The following CSNK2A1 variants were observed in gnomAD, a reference collection of about 807,000 sequenced individuals.
CSNK2A1 encodes the protein casein kinase 2 alpha 1, also known as casein kinase II subunit alpha.
In CSNK2A1, 10 loss-of-function variants were observed where a neutral mutation model predicts 62.9. The ratio of observed to expected loss-of-function variants is 0.16; its 90% CI spans 0.10 to 0.27. CSNK2A1 has a LOEUF of 0.27. Among genes scored for constraint, CSNK2A1 ranks in the 10% least tolerant of loss-of-function variants. The pLI is 1.00. For synonymous variants in CSNK2A1, 124 were observed against 167.8 expected, an observed-to-expected ratio of 0.74 and a Z score of 2.02; for missense variants, 160 against 492.0, an observed-to-expected ratio of 0.33 and a Z score of 6.38.
chr20:537,213 A>G (rs2734228), intron 1 of CSNK2A1, among the ~76,000 whole-genome samples: 31,572 of 152,146 alleles, frequency 0.21, 4,156 homozygotes, highest in East Asian at 0.57. Context: ...GTCACACATA[A>G]AAAATTATAA....
At chr20:531,028 G>A (rs570570842) in intron 1 of CSNK2A1, among the ~76,000 whole-genome samples, 20 of 152,258 alleles carry the variant, frequency 1.3e-4, no homozygotes, top group African/African-American at 4.3e-4. Flanking sequence ...AGGTTACAGT[G>A]AGCTGAGATC....
chr20:524,708 C>CAAAAAA (rs56228720), intron 2 of CSNK2A1, among the ~76,000 whole-genome samples: 4 of 83,148 alleles, frequency 4.8e-5, no homozygotes, highest in Admixed American at 1.6e-4. Flanking sequence ...GACTCCATCT[C>CAAAAAA]AAAAAAAAAA....
intron 1 of CSNK2A1, among the ~76,000 whole-genome samples, chr20:532,330 ATTTTTTTTTTT>A (rs138287291): frequency 1.6e-5 from 2 of 122,002 alleles, no homozygotes; most frequent in African/African-American, 6.7e-5. Context: ...TGCCCGGCTA[ATTTTTTTTTTT>A]TTTTTTTTTT....
intron 10 of CSNK2A1, chr20:489,419 T>G (rs1198273827): frequency 2.6e-5 from 8 of 308,042 alleles, no homozygotes; most frequent in African/African-American, 1.7e-4. Context: ...TTAAGAAACA[T>G]CTGTAACTCA....
At chr20:539,313 G>A (rs749172842) in intron 1 of CSNK2A1, 2 of 152,146 alleles carry the variant, frequency 1.3e-5, no homozygotes, top group Non-Finnish European at 2.9e-5. Flanking sequence ...CAAGCTATTG[G>A]CTGAATTTAG....
At chr20:529,190 A>AT (rs34902417) in intron 1 of CSNK2A1, among the ~76,000 whole-genome samples, 54,437 of 137,002 alleles carry the variant, frequency 0.4, 11,759 homozygotes, top group Middle Eastern at 0.53. Context: ...ACTCCTGGCT[A>AT]TTTTTTTTTT....
At chr20:484,116 C>G in intron 13 of CSNK2A1, 40 bp from the exon 14 acceptor site, 1 of 1,469,644 alleles carries the variant, frequency 6.8e-7, no homozygotes, top group Non-Finnish European at 9.1e-7. Flanking sequence ...AGACACCAAC[C>G]ATGGCAATCT....
In CSNK2A1 at chr20:499,950, T is replaced by G; in HGVS notation, c.214-16A>C. On this transcript the variant is annotated splice_polypyrimidine_tract_variant and intron_variant, in intron 4 of 13. Transcript: ENST00000217244. The surrounding 1 kb of genome is among the most constrained non-coding windows in gnomAD (Gnocchi z 4.2). ...TTTTTACTGGCTGAAAGGGGAAAAG[T>G]ACATCAGCAAAAAAAAAAAAAAAAA... The G allele has an allele frequency of 6.6e-7, 1 of 1,520,844 alleles. No homozygotes were observed. The highest frequency in any genetic ancestry group is 2.3e-5 in the East Asian group (1 of 43,618). The allele number at this position is 1,520,844 out of a possible 1,614,324, so 94.2% of individuals were successfully genotyped here.
At chr20:487,946 G>C (rs1482083407) in intron 11 of CSNK2A1, 1 of 282,988 alleles carries the variant, frequency 3.5e-6, no homozygotes, top group Non-Finnish European at 6.8e-6. Context: ...AAAAGCCTTT[G>C]CATCAGGAAA....
chr20:508,309 G>T, intron 3 of CSNK2A1, 142 bp downstream of exon 3: 1 of 907,742 alleles, frequency 1.1e-6, no homozygotes, highest in Non-Finnish European at 1.6e-6. Context: ...CAAATTTTCA[G>T]CTCAAAAGAA....
intron 11 of CSNK2A1, 22 bp from the exon 12 acceptor site, chr20:487,597 T>A: frequency 6.2e-7 from 1 of 1,614,094 alleles, no homozygotes; most frequent in East Asian, 2.2e-5. Context: ...AAAGAGGGCA[T>A]GAGAAATGGG....
chr20:539,073 A>G lies in CSNK2A1; in HGVS notation c.-227+4599T>C, dbSNP rs975263039. 5 of 152,188 alleles carry G rather than the reference A, an allele frequency of 3.3e-5. No individual in the cohort carries two copies. In the South Asian group the frequency reaches 8.3e-4, roughly 25 times the overall value. The allele number at this position is 152,188 out of a possible 1,614,324, so 9.4% of individuals were successfully genotyped here. The stretch of plus-strand genomic sequence containing the variant: ...TAAATTGTTTTATAGAATCTTTGCT[A>G]TCTTTGTTCTCTAGAAAATGATATC... On this transcript the variant is annotated intron_variant, in intron 1 of 13. Transcript: ENST00000217244.
intron 9 of CSNK2A1, among the ~76,000 whole-genome samples, chr20:490,101 G>A (rs1245562861): frequency 1.4e-5 from 2 of 146,952 alleles, no homozygotes; most frequent in Non-Finnish European, 1.5e-5. Flanking sequence ...GCGCAATCTT[G>A]GCTCACCACA....
chr20:520,970 A>G (rs571250732), intron 2 of CSNK2A1, among the ~76,000 whole-genome samples: 1 of 152,026 alleles, frequency 6.6e-6, no homozygotes, highest in Non-Finnish European at 1.5e-5. Flanking sequence ...GCAAGACTCT[A>G]CCTCTGGGGG....
intron 8 of CSNK2A1, among the ~76,000 whole-genome samples, chr20:493,802 C>T (rs2018288421): frequency 6.6e-6 from 1 of 152,176 alleles, no homozygotes. Context: ...CCCCTCTGCT[C>T]TTTATCTCTA....
chr20:521,878 T>C (rs529660860), intron 2 of CSNK2A1, among the ~76,000 whole-genome samples: 22 of 152,308 alleles, frequency 1.4e-4, no homozygotes, highest in African/African-American at 4.8e-4. Flanking sequence ...TGTGAGCTGC[T>C]ACACCTGACC....
At position 474,959 on chromosome 20, in the gene CSNK2A1, C is replaced by G. The variant is rs1260149276; in HGVS notation, c.*9002G>C. On this transcript the variant is annotated 3_prime_UTR_variant, in exon 14 of 14. Transcript: ENST00000217244. ...TTGTAAACTTTTAAACATTTGAACT[C>G]TAGCAAATATACTGAGAAGTGCCCC... The G allele has an allele frequency of 1.3e-5, 2 of 152,122 alleles. No homozygotes were observed. Among genetic ancestry groups the G allele is most frequent in the African/African-American group, 4.8e-5 (2 of 41,398 alleles). 9.4% of individuals were successfully genotyped at this position (152,122 alleles called of 1,614,324 possible). A position where few individuals can be genotyped will look rare whatever the true frequency, so the allele number is the denominator to read the frequency against.
In CSNK2A1 at chr20:534,417, A is replaced by G. The variant is rs564986672; in HGVS notation, c.-226-6368T>C. Among the ~76,000 whole-genome samples the G allele has an allele frequency of 9.8e-5, 15 of 152,346 alleles. No individual in the cohort carries two copies. In the South Asian group the frequency reaches 2.7e-3, roughly 27 times the overall value. On this transcript the variant is annotated intron_variant, in intron 1 of 13. Coordinates refer to ENST00000217244, the MANE Select transcript of CSNK2A1 (RefSeq NM_177559.3). ...CTTTTACCTGAATGGGCTGGCCACC[A>G]GGCCACAATTGTATAAAAATCAGAT...
intron 4 of CSNK2A1, chr20:501,434 T>C (rs763930582): frequency 2.0e-5 from 3 of 152,192 alleles, no homozygotes; most frequent in Non-Finnish European, 2.9e-5. Flanking sequence ...ACAAACCACA[T>C]GTGTAATTTT....
Sources: allele counts gnomAD v4.1 joint callset (sites outside exome capture counted in the v4.1 genomes callset), GRCh38; gene constraint gnomAD v4.1.1; non-coding constraint Gnocchi (gnomAD v3.1); transcripts MANE v1.5; gene names NCBI Gene and HGNC (gene_info 2026-07-23, HGNC 2026-07-21).